The following PACSIN2 variants were observed in gnomAD, a reference collection of about 807,000 sequenced individuals.
The protein encoded by PACSIN2 is protein kinase C and casein kinase substrate in neurons 2, also known as protein kinase C and casein kinase substrate in neurons protein 2.
Under a neutral mutation model 63.8 loss-of-function variants are expected in PACSIN2, and 25 were observed. The ratio of observed to expected loss-of-function variants is 0.39; its 90% CI spans 0.29 to 0.55. PACSIN2 has a LOEUF of 0.55. PACSIN2 is among the 20% of genes least tolerant of loss of function. The pLI, the probability that PACSIN2 is intolerant of heterozygous loss-of-function variation, is 0.62. For missense variants in PACSIN2, 518 were observed against 646.9 expected (o/e 0.80, Z 2.16); for synonymous variants, 255 against 256.2 (o/e 1.00, Z 0.05).
chr22:42,876,833 A>AGG, intron 9 of PACSIN2, 55 bp downstream of exon 9: 2 of 1,610,316 alleles, frequency 1.2e-6, no homozygotes, highest in Non-Finnish European at 1.7e-6. Flanking sequence ...ACAGAGAGAG[A>AGG]GGAAGAGAGA....
Position 42,870,530 on chromosome 22 carries a change from A to G in PACSIN2, c.*827T>C, listed in dbSNP as rs895341826. Reference sequence around the variant, plus strand: ...TAATCTAAAGCATCTTTACAGATGCATTTGCTTGAAAAGTTAGTCTTCTTT... The same window carrying G: ...TAATCTAAAGCATCTTTACAGATGCGTTTGCTTGAAAAGTTAGTCTTCTTT... On this transcript the variant is annotated 3_prime_UTR_variant, in exon 11 of 11. Coordinates refer to ENST00000263246, the MANE Select transcript of PACSIN2 (RefSeq NM_001184970.3). 4 of 152,224 alleles carry G rather than the reference A, an allele frequency of 2.6e-5. No individual in the cohort carries two copies. The highest frequency in any genetic ancestry group is 5.9e-5 in the Non-Finnish European group (4 of 68,040). The allele number at this position is 152,224 out of a possible 1,614,324, so 9.4% of individuals were successfully genotyped here.
chr22:42,982,622 A>C (rs1922260212), intron 1 of PACSIN2, among the ~76,000 whole-genome samples: 1 of 125,490 alleles, frequency 8.0e-6, no homozygotes. Context: ...TCAGGGTTAA[A>C]TGGATTAAGG....
chr22:42,984,077 C>T (rs1922439390), intron 1 of PACSIN2, among the ~76,000 whole-genome samples: 1 of 151,120 alleles, frequency 6.6e-6, no homozygotes, highest in Non-Finnish European at 1.5e-5. Flanking sequence ...CTCAAGCAAT[C>T]CTCCCACTTC....
chr22:42,910,997 C>T (rs1488056107), intron 2 of PACSIN2, among the ~76,000 whole-genome samples: 2 of 152,064 alleles, frequency 1.3e-5, no homozygotes, highest in South Asian at 2.1e-4. Context: ...CTCCGCCTCC[C>T]GGGTTCATGC....
At chr22:42,944,856 G>C (rs1601558997) in intron 1 of PACSIN2, among the ~76,000 whole-genome samples, 1 of 152,294 alleles carries the variant, frequency 6.6e-6, no homozygotes, top group South Asian at 2.1e-4. Flanking sequence ...TCAGCACTTT[G>C]GGAGGCCAAG....
chr22:43,004,458 T>C (rs1259055578), intron 1 of PACSIN2, among the ~76,000 whole-genome samples: 1 of 152,154 alleles, frequency 6.6e-6, no homozygotes, highest in African/African-American at 2.4e-5. Context: ...AATTAAAGCA[T>C]CACCACGTGC....
chr22:42,982,877 A>AAAAC, intron 1 of PACSIN2, among the ~76,000 whole-genome samples: 1 of 129,632 alleles, frequency 7.7e-6, no homozygotes, highest in African/African-American at 3.1e-5. Flanking sequence ...AATAAAAAAA[A>AAAAC]AAAAAAAAAA....
chr22:42,919,970 T>C (rs879347619), intron 1 of PACSIN2, among the ~76,000 whole-genome samples: 45 of 145,582 alleles, frequency 3.1e-4, no homozygotes, highest in African/African-American at 1.1e-3. Context: ...TAGCCAGGGG[T>C]GGTGGTACAC....
intron 7 of PACSIN2, among the ~76,000 whole-genome samples, chr22:42,881,896 T>C (rs1459149408): frequency 1.3e-5 from 2 of 151,864 alleles, no homozygotes; most frequent in African/African-American, 4.8e-5. Flanking sequence ...TGAGACTGAC[T>C]AGGAAGGAAG....
At chr22:42,971,609 T>G (rs1449401672) in intron 1 of PACSIN2, among the ~76,000 whole-genome samples, 1 of 151,514 alleles carries the variant, frequency 6.6e-6, no homozygotes, top group African/African-American at 2.4e-5. Flanking sequence ...GGAGTGTCTC[T>G]GCCCAACCGC....
At chr22:42,922,361 A>C (rs1051597491) in intron 1 of PACSIN2, among the ~76,000 whole-genome samples, 5 of 152,244 alleles carry the variant, frequency 3.3e-5, no homozygotes, top group African/African-American at 1.2e-4. Context: ...ACAAAAGAAC[A>C]GGTCATTTTT....
chr22:42,888,545 C>T (rs1929657498), intron 5 of PACSIN2, 98 bp downstream of exon 5: 2 of 1,194,202 alleles, frequency 1.7e-6, no homozygotes, highest in African/African-American at 3.1e-5. Flanking sequence ...ATCCCTCTAT[C>T]CACCCATTCA....
At chr22:42,884,832 G>A (rs2146653795) in intron 5 of PACSIN2, among the ~76,000 whole-genome samples, 1 of 152,344 alleles carries the variant, frequency 6.6e-6, no homozygotes, top group East Asian at 1.9e-4. Flanking sequence ...AGTGTGTATG[G>A]TCTTGAGCGT....
chr22:42,969,043 C>CTCCATCCATCCATCCA (rs60039459), intron 1 of PACSIN2, among the ~76,000 whole-genome samples: 7,953 of 150,842 alleles, frequency 0.053, 292 homozygotes, highest in Admixed American at 0.11. Context: ...ATCTATCTAT[C>CTCCATCCATCCATCCA]TCCATCCATC....
chr22:42,902,492 C>A lies in PACSIN2; in HGVS notation c.61-8879G>T, dbSNP rs926623330. 2.6e-5 allele frequency among the ~76,000 whole-genome samples: 4 copies of A among 152,184 alleles called. No individual in the cohort carries two copies. The East Asian group carries it at 7.7e-4, about 29-fold the overall frequency. ...GAGGACACCCTATCTTCTCAGAGCC[C>A]AAACAGTGCTGGGAGCTGGGATTTC... On this transcript the variant is annotated intron_variant, in intron 2 of 10. Transcript: ENST00000263246.
In PACSIN2 at chr22:42,921,358, CAAAAAAG is replaced by C. The variant is rs1365870967; in HGVS notation, c.-77-9208_-77-9202del. Among the ~76,000 whole-genome samples the C allele has an allele frequency of 3.1e-4, 34 of 110,270 alleles. No individual in the cohort carries two copies. In the South Asian group the frequency reaches 4.2e-3, roughly 14 times the overall value. The allele number at this position is 110,270 out of a possible 152,430, so 72.3% of individuals were successfully genotyped here. ...TGGGCGACAGTGTGAGACTCCGTCT[CAAAAAAG>C]AAAAAAGAAAAAAAAAAAAAAAGCT... On this transcript the variant is annotated intron_variant, in intron 1 of 10. Coordinates refer to ENST00000263246, the MANE Select transcript of PACSIN2 (RefSeq NM_001184970.3).
In PACSIN2 at chr22:42,871,602, G is replaced by A. The variant is rs1203729843; in HGVS notation, c.1349-133C>T. 2 of 709,736 alleles carry A rather than the reference G, an allele frequency of 2.8e-6. No homozygotes were observed. The highest frequency in any genetic ancestry group is 5.0e-6 in the Non-Finnish European group (2 of 397,564). 44.0% of individuals were successfully genotyped at this position (709,736 alleles called of 1,614,324 possible). A position where few individuals can be genotyped will look rare whatever the true frequency, so the allele number is the denominator to read the frequency against. ...TCTGTGGCGGGCAGGCCGAGGGCCT[G>A]GTCATTTCTCTACTAAATGCATGCA... On this transcript the variant is annotated intron_variant, in intron 10 of 10. Transcript: ENST00000263246. This position sits in a 1 kb window ranked among gnomAD's most constrained non-coding sequence, Gnocchi z 5.4.
At chr22:42,974,089 A>G (rs1215509491) in intron 1 of PACSIN2, among the ~76,000 whole-genome samples, 2 of 152,226 alleles carry the variant, frequency 1.3e-5, no homozygotes, top group African/African-American at 4.8e-5. Context: ...AGTGGATTAC[A>G]TGAGATAAAG....
At chr22:43,010,500 G>A (rs1924416684) in intron 1 of PACSIN2, among the ~76,000 whole-genome samples, 1 of 151,796 alleles carries the variant, frequency 6.6e-6, no homozygotes. Flanking sequence ...ACGAAGGTCA[G>A]GAGATCAAGA....
Sources: gnomAD v4.1 joint callset for allele counts (sites outside exome capture counted in the v4.1 genomes callset) on GRCh38, gnomAD v4.1.1 for gene constraint, Gnocchi (gnomAD v3.1) non-coding constraint, MANE v1.5 for transcripts, NCBI Gene and HGNC (gene_info 2026-07-23, HGNC 2026-07-21) for gene names.